Variants in AMPH observed in about 807,000 individuals in gnomAD.
AMPH encodes the protein amphiphysin (Stiff-Mann syndrome with breast cancer 128kD autoantigen).
A neutral mutation model predicts 99.1 loss-of-function variants in AMPH; 49 were observed. The observed-to-expected ratio is 0.49, with a 90% CI of 0.39 to 0.63. The LOEUF (loss-of-function observed/expected upper bound fraction) is 0.63, where lower values mean the gene tolerates loss of function less well. Ranked by LOEUF, AMPH falls within the 20% of genes least tolerant of loss-of-function variation. The pLI is 0.00. For synonymous variants in AMPH, 314 were observed against 317.3 expected (o/e 0.99, Z 0.11); for missense variants, 759 against 863.4 (o/e 0.88, Z 1.52).
intron 1 of AMPH, among the ~76,000 whole-genome samples, chr7:38,545,100 A>C (rs1561309): frequency 0.26 from 38,859 of 152,184 alleles, 5,421 homozygotes; most frequent in Non-Finnish European, 0.31. Context: ...TAATTTCAAG[A>C]ACCATACATG....
In AMPH at chr7:38,607,216, C is replaced by A. The variant is rs993809070; in HGVS notation, c.69+24067G>T. 2.0e-5 allele frequency among the ~76,000 whole-genome samples: 3 copies of A among 152,126 alleles called. No individual in the cohort carries two copies. In the South Asian group the frequency reaches 6.2e-4, roughly 32 times the overall value. On this transcript the variant is annotated intron_variant, in intron 1 of 20. Coordinates refer to ENST00000356264, the MANE Select transcript of AMPH (RefSeq NM_001635.4). ...CACATTCAGAGAAATGCCCTAAATT[C>A]TACCAACCGAAAATTTCTCAATTTC...
intron 16 of AMPH, chr7:38,420,909 T>A: frequency 1.8e-5 from 8 of 455,150 alleles, no homozygotes; most frequent in South Asian, 1.2e-4. Flanking sequence ...CTTCACCCCC[T>A]ACCTCGCTCA....
chr7:38,591,219 C>T (rs1792842544), intron 1 of AMPH, among the ~76,000 whole-genome samples: 1 of 151,976 alleles, frequency 6.6e-6, no homozygotes, highest in Admixed American at 6.5e-5. Flanking sequence ...CTGTCTTTCT[C>T]AACCAAGAGA....
At chr7:38,570,924 AATTTATATATATATATAT>A (rs1791921718) in intron 1 of AMPH, among the ~76,000 whole-genome samples, 1 of 45,430 alleles carries the variant, frequency 2.2e-5, no homozygotes, top group South Asian at 4.8e-4. Context: ...TTAACAAAAA[AATTTATATATATATATAT>A]ATTTATATAT....
chr7:38,559,195 G>A (rs1314520572), intron 1 of AMPH, among the ~76,000 whole-genome samples: 8 of 152,190 alleles, frequency 5.3e-5, no homozygotes, highest in Non-Finnish European at 1.2e-4. Context: ...AAACCCAGCA[G>A]GCCCACTACT....
At chr7:38,430,750 T>G (rs1785982165) in intron 13 of AMPH, among the ~76,000 whole-genome samples, 1 of 152,236 alleles carries the variant, frequency 6.6e-6, no homozygotes, top group South Asian at 2.1e-4. Flanking sequence ...AACTTTTCAC[T>G]AGAAAAGATA....
chr7:38,449,037 G>T (rs1786903454), intron 11 of AMPH, among the ~76,000 whole-genome samples: 1 of 152,100 alleles, frequency 6.6e-6, no homozygotes, highest in Admixed American at 6.6e-5. Context: ...GAGGGATAGG[G>T]CCTATGCTTA....
chr7:38,593,363 C>T (rs1201203497), intron 1 of AMPH, among the ~76,000 whole-genome samples: 1 of 152,138 alleles, frequency 6.6e-6, no homozygotes, highest in African/African-American at 2.4e-5. Context: ...AAAACAAAAG[C>T]TCAAGCAACT....
chr7:38,453,580 C>G (rs942470773), intron 11 of AMPH, among the ~76,000 whole-genome samples: 12 of 152,324 alleles, frequency 7.9e-5, no homozygotes, highest in African/African-American at 2.6e-4. Flanking sequence ...TTTTTCCCCC[C>G]ACCATCAAGT....
rs1562834208 is a variant in AMPH, at chr7:38,570,952, TATAGAA to T, written c.70-35947_70-35942del. On this transcript the variant is annotated intron_variant, in intron 1 of 20. Transcript: ENST00000356264. ...TTATATATATATATATATTTATATA[TATAGAA>T]TATATATATAGAATATATATATATT... Among the ~76,000 whole-genome samples the T allele has an allele frequency of 1.5e-3, 147 of 94,974 alleles. 37 individuals carry two copies. The highest frequency in any genetic ancestry group is 5.6e-3 in the African/African-American group (140 of 25,054). The allele number at this position is 94,974 out of a possible 152,430, so 62.3% of individuals were successfully genotyped here. A position where few individuals can be genotyped will look rare whatever the true frequency, so the allele number is the denominator to read the frequency against.
chr7:38,545,075 T>A (rs977083909), intron 1 of AMPH, among the ~76,000 whole-genome samples: 8 of 152,258 alleles, frequency 5.3e-5, no homozygotes, highest in African/African-American at 1.9e-4. Flanking sequence ...GGTAAGTGTC[T>A]CTTGAGCAAT....
intron 1 of AMPH, among the ~76,000 whole-genome samples, chr7:38,602,166 C>T (rs1052434983): frequency 1.3e-5 from 2 of 152,184 alleles, no homozygotes; most frequent in African/African-American, 4.8e-5. Flanking sequence ...ACCACAGACG[C>T]CAATAAGGGG....
intron 1 of AMPH, among the ~76,000 whole-genome samples, chr7:38,595,009 G>A (rs574418836): frequency 5.9e-5 from 9 of 152,310 alleles, no homozygotes; most frequent in Admixed American, 2.6e-4. Context: ...AAATGTACCA[G>A]AAAGAACACA....
At chr7:38,507,167 T>C (rs1480632987) in intron 2 of AMPH, among the ~76,000 whole-genome samples, 1 of 152,226 alleles carries the variant, frequency 6.6e-6, no homozygotes, top group African/African-American at 2.4e-5. Flanking sequence ...ATCCATATAC[T>C]GGATTCATCT....
chr7:38,466,285 G>C, intron 7 of AMPH, 37 bp from the exon 8 acceptor site: 1 of 1,492,408 alleles, frequency 6.7e-7, no homozygotes, highest in Non-Finnish European at 9.1e-7. Context: ...AGAAGAGAGA[G>C]GGAAAGACCA....
chr7:38,513,914 G>C (rs1050482396), intron 2 of AMPH, among the ~76,000 whole-genome samples: 1 of 152,044 alleles, frequency 6.6e-6, no homozygotes, highest in Non-Finnish European at 1.5e-5. Flanking sequence ...ACATATTTCT[G>C]CCTTCTTAAG....
chr7:38,463,500 A>G (rs1261208826), intron 9 of AMPH, among the ~76,000 whole-genome samples: 3 of 152,210 alleles, frequency 2.0e-5, no homozygotes, highest in African/African-American at 7.2e-5. Flanking sequence ...GAATCTTCCA[A>G]ACATAAGCTG....
intron 17 of AMPH, among the ~76,000 whole-genome samples, chr7:38,394,702 C>T (rs1214204104): frequency 6.6e-6 from 1 of 152,190 alleles, no homozygotes; most frequent in African/African-American, 2.4e-5. Flanking sequence ...TGTAATTTCA[C>T]ACACTTCCTT....
intron 1 of AMPH, among the ~76,000 whole-genome samples, chr7:38,627,155 G>T (rs1794279807): frequency 6.6e-6 from 1 of 152,022 alleles, no homozygotes; most frequent in Admixed American, 6.6e-5. Context: ...CCAACCCGTG[G>T]TCTTGGCCCT....
Sources: gnomAD v4.1 joint callset for allele counts (sites outside exome capture counted in the v4.1 genomes callset) on GRCh38, gnomAD v4.1.1 for gene constraint, MANE v1.5 for transcripts, NCBI Gene and HGNC (gene_info 2026-07-23, HGNC 2026-07-21) for gene names.